Variants in KCNQ3 observed in about 807,000 individuals in gnomAD.
KCNQ3 encodes potassium voltage-gated channel subfamily Q member 3.
KCNQ3 carries 30 observed loss-of-function variants against 92.5 expected under a neutral mutation model. The ratio of observed to expected loss-of-function variants is 0.32; its 90% CI spans 0.24 to 0.44. KCNQ3 has a LOEUF of 0.44. Ranked by LOEUF, KCNQ3 falls within the 20% of genes least tolerant of loss-of-function variation. KCNQ3 has a pLI of 1.00. For synonymous variants in KCNQ3, 450 were observed against 468.8 expected (o/e 0.96, Z 0.52); for missense variants, 913 against 1,140.3 (o/e 0.80, Z 2.87).
At chr8:132,301,988 A>G (rs1817229992) in intron 1 of KCNQ3, among the ~76,000 whole-genome samples, 1 of 152,212 alleles carries the variant, frequency 6.6e-6, no homozygotes, top group Non-Finnish European at 1.5e-5. Context: ...AGGAAGGACA[A>G]ATGCCTGGGG....
Position 132,412,518 on chromosome 8 carries a change from A to G in KCNQ3, c.386+67629T>C, listed in dbSNP as rs544703486. On this transcript the variant is annotated intron_variant, in intron 1 of 14. Coordinates refer to ENST00000388996, the MANE Select transcript of KCNQ3 (RefSeq NM_004519.4). ...CTCTGGGTGAAATGTTTTAAACAGGAAACAGAAATTCTTTTGCAAATGCCA... is the reference window on the plus strand; with the variant it reads ...CTCTGGGTGAAATGTTTTAAACAGGGAACAGAAATTCTTTTGCAAATGCCA... Among the ~76,000 whole-genome samples, 3 of 152,344 alleles carry G rather than the reference A, an allele frequency of 2.0e-5. No homozygotes were observed. In the South Asian group the frequency reaches 6.2e-4, roughly 32 times the overall value.
In KCNQ3 at chr8:132,316,486, A is replaced by G. The variant is rs114544404; in HGVS notation, c.387-130305T>C. On this transcript the variant is annotated intron_variant, in intron 1 of 14. Coordinates refer to ENST00000388996, the MANE Select transcript of KCNQ3 (RefSeq NM_004519.4). ...GATTTCTCATTAGTAAAGCAGGAAA[A>G]ACAGGAGTTCCTTCAACACTGGCCA... Among the ~76,000 whole-genome samples, 747 of 152,310 alleles carry G rather than the reference A, an allele frequency of 4.9e-3. 4 individuals are homozygous for G. Among genetic ancestry groups the G allele is most frequent in the African/African-American group, 0.017 (701 of 41,566 alleles).
chr8:132,306,655 A>G (rs931979047), intron 1 of KCNQ3, among the ~76,000 whole-genome samples: 1 of 152,250 alleles, frequency 6.6e-6, no homozygotes, highest in Non-Finnish European at 1.5e-5. Context: ...GCAAGCTAGC[A>G]AGAGTCAGTA....
At chr8:132,318,703 C>G (rs1167452519) in intron 1 of KCNQ3, among the ~76,000 whole-genome samples, 2 of 151,672 alleles carry the variant, frequency 1.3e-5, no homozygotes, top group Admixed American at 1.3e-4. Flanking sequence ...AAAGGAGTTA[C>G]CATCATACCA....
At chr8:132,381,368 A>T (rs943398859) in intron 1 of KCNQ3, among the ~76,000 whole-genome samples, 6 of 152,012 alleles carry the variant, frequency 3.9e-5, no homozygotes, top group Admixed American at 6.6e-5. Context: ...ACTTCCATAC[A>T]CTCACCAAGT....
intron 1 of KCNQ3, among the ~76,000 whole-genome samples, chr8:132,335,936 G>C (rs1035462324): frequency 6.6e-6 from 1 of 152,154 alleles, no homozygotes; most frequent in Admixed American, 6.6e-5. Context: ...ACACCAGGAG[G>C]CCCTTGTGCT....
chr8:132,342,693 T>A (rs1402499141), intron 1 of KCNQ3, among the ~76,000 whole-genome samples: 1 of 152,248 alleles, frequency 6.6e-6, no homozygotes, highest in East Asian at 1.9e-4. Flanking sequence ...GCCCTAGTCA[T>A]GCCTTTCATT....
chr8:132,393,759 G>A (rs1433038043), intron 1 of KCNQ3, among the ~76,000 whole-genome samples: 1 of 152,132 alleles, frequency 6.6e-6, no homozygotes, highest in Non-Finnish European at 1.5e-5. Context: ...GAGGATAAAG[G>A]AGTTTCTGAC....
intron 1 of KCNQ3, among the ~76,000 whole-genome samples, chr8:132,263,901 C>T (rs1432481733): frequency 6.6e-6 from 1 of 152,176 alleles, no homozygotes; most frequent in Non-Finnish European, 1.5e-5. Context: ...CCTGAGCCAC[C>T]TCTTGTCTCA....
chr8:132,150,147 G>C (rs980702077), intron 9 of KCNQ3, among the ~76,000 whole-genome samples: 2 of 151,762 alleles, frequency 1.3e-5, no homozygotes, highest in Non-Finnish European at 2.9e-5. Flanking sequence ...TTTTGGTAGA[G>C]TTTTAAATGT....
chr8:132,387,028 C>A (rs569295742), intron 1 of KCNQ3, among the ~76,000 whole-genome samples: 1 of 152,170 alleles, frequency 6.6e-6, no homozygotes, highest in African/African-American at 2.4e-5. Flanking sequence ...AAACATCACA[C>A]TTTCCCCCAC....
At chr8:132,480,005 C>A (rs1483163716) in intron 1 of KCNQ3, 142 bp downstream of exon 1, 1 of 728,414 alleles carries the variant, frequency 1.4e-6, no homozygotes, top group African/African-American at 1.8e-5. Flanking sequence ...CAGGGAAACG[C>A]GTGCTGAGGA....
At chr8:132,422,040 C>T (rs1432046788) in intron 1 of KCNQ3, among the ~76,000 whole-genome samples, 3 of 152,136 alleles carry the variant, frequency 2.0e-5, no homozygotes. Context: ...AGAGCTACAG[C>T]CTTTCTACCC....
chr8:132,265,452 C>T (rs1438911953), intron 1 of KCNQ3, among the ~76,000 whole-genome samples: 2 of 152,212 alleles, frequency 1.3e-5, no homozygotes, highest in African/African-American at 2.4e-5. Context: ...GGAAAAACCA[C>T]GGCATTATTC....
At chr8:132,341,742 A>G (rs141517018) in intron 1 of KCNQ3, among the ~76,000 whole-genome samples, 40 of 152,286 alleles carry the variant, frequency 2.6e-4, no homozygotes, top group African/African-American at 8.4e-4. Context: ...CCAGCTTATT[A>G]TCTCTCTAAT....
chr8:132,210,927 C>T (rs1813832227), intron 1 of KCNQ3, among the ~76,000 whole-genome samples: 1 of 152,186 alleles, frequency 6.6e-6, no homozygotes, highest in Non-Finnish European at 1.5e-5. Flanking sequence ...AATGGGTTGG[C>T]ACATAATCAC....
chr8:132,308,713 G>C (rs1407097751), intron 1 of KCNQ3, among the ~76,000 whole-genome samples: 1 of 152,104 alleles, frequency 6.6e-6, no homozygotes, highest in East Asian at 1.9e-4. Context: ...TGATTGACCT[G>C]GTTTATTTGC....
At chr8:132,317,540 C>T (rs1817777774) in intron 1 of KCNQ3, among the ~76,000 whole-genome samples, 1 of 152,206 alleles carries the variant, frequency 6.6e-6, no homozygotes, top group South Asian at 2.1e-4. Context: ...GTCCAGTCAC[C>T]TGTGGTGCTA....
chr8:132,190,811 T>C (rs941776865), intron 1 of KCNQ3, among the ~76,000 whole-genome samples: 4 of 152,208 alleles, frequency 2.6e-5, no homozygotes, highest in East Asian at 1.9e-4. Context: ...ACTAATACCA[T>C]GTGGAATGGG....
Sources: gnomAD v4.1 joint callset for allele counts (sites outside exome capture counted in the v4.1 genomes callset) on GRCh38, gnomAD v4.1.1 for gene constraint, MANE v1.5 for transcripts, NCBI Gene and HGNC (gene_info 2026-07-23, HGNC 2026-07-21) for gene names.